The following ALPK1 variants were observed in gnomAD, a reference collection of about 807,000 sequenced individuals.
ALPK1 encodes alpha kinase 1, also known as alpha-protein kinase 1.
Under a neutral mutation model 120.6 loss-of-function variants are expected in ALPK1, and 110 were observed. The observed-to-expected ratio is 0.91, with a 90% CI of 0.78 to 1.07. The LOEUF (loss-of-function observed/expected upper bound fraction) is 1.07, where lower values mean the gene tolerates loss of function less well. ALPK1 is among the 50% of genes least tolerant of loss of function. The pLI is 0.00. For synonymous variants in ALPK1, 582 were observed against 560.3 expected, an observed-to-expected ratio of 1.04 and a Z score of -0.55; for missense variants, 1,498 against 1,483.9, an observed-to-expected ratio of 1.01 and a Z score of -0.16.
At chr4:112,359,175 TC>T in intron 2 of ALPK1, 2 of 624,918 alleles carry the variant, frequency 3.2e-6, no homozygotes, top group Non-Finnish European at 5.9e-6. Context: ...GCCCCACCTG[TC>T]CCCCAGGCCA....
At chr4:112,330,804 G>A (rs1488198300) in intron 2 of ALPK1, among the ~76,000 whole-genome samples, 1 of 152,174 alleles carries the variant, frequency 6.6e-6, no homozygotes, top group Non-Finnish European at 1.5e-5. Context: ...GAATCCTGTG[G>A]GAAATGCCCT....
In ALPK1 at chr4:112,399,036, A is replaced by G. The variant is rs147088066; in HGVS notation, c.277-12791A>G. Among the ~76,000 whole-genome samples the G allele has an allele frequency of 4.8e-3, 732 of 152,352 alleles. 7 individuals carry two copies. The highest frequency in any genetic ancestry group is 0.016 in the African/African-American group (675 of 41,574). On this transcript the variant is annotated intron_variant, in intron 4 of 15. Coordinates refer to ENST00000650871, the MANE Select transcript of ALPK1 (RefSeq NM_025144.4). ...AACATGATGAGTTTGAGATCCTGAC[A>G]TCCAACTTGGGCTATGGCGGGCAAT...
intron 2 of ALPK1, 138 bp downstream of exon 2, chr4:112,315,990 A>G (rs1728619116): frequency 6.6e-6 from 1 of 152,148 alleles, no homozygotes; most frequent in South Asian, 2.1e-4. Flanking sequence ...ATTTTATTGT[A>G]TTTCCTTCTG....
At chr4:112,343,324 T>C (rs1202302845) in intron 2 of ALPK1, 1 of 152,238 alleles carries the variant, frequency 6.6e-6, no homozygotes, top group Non-Finnish European at 1.5e-5. Flanking sequence ...GTGAAATCAG[T>C]AAATGCCATT....
intron 5 of ALPK1, among the ~76,000 whole-genome samples, chr4:112,413,532 C>G (rs376196405): frequency 7.9e-5 from 12 of 152,206 alleles, no homozygotes; most frequent in African/African-American, 1.9e-4. Context: ...GATGTTCCCC[C>G]CTCAGCCTCC....
chr4:112,430,867 G>C lies in ALPK1; in HGVS notation c.1320G>C (p.Arg440Ser). 6.2e-7 allele frequency: 1 copy of C among 1,614,118 alleles called. No individual in the cohort carries two copies. Among genetic ancestry groups the C allele is most frequent in the Non-Finnish European group, 8.5e-7 (1 of 1,179,960 alleles). The change falls in exon 11 of 16, where the codon AGG becomes AGC. Residue 440 changes from arginine to serine, a missense_variant. By Grantham distance (110) the Arg-to-Ser change is moderately radical. Coordinates refer to ENST00000650871, the MANE Select transcript of ALPK1 (RefSeq NM_025144.4). ...RSYVPESFEC[R>S]LDKLILHGQG... ...ATGTTCCCGAGAGTTTCGAGTGCAG[G>C]TTGGATAAACTTATCTTGCATGGGC... is the stretch of plus-strand genomic sequence containing the variant.
chr4:112,425,297 AGG>A, intron 6 of ALPK1: 1 of 183,828 alleles, frequency 5.4e-6, no homozygotes, highest in South Asian at 1.2e-4. Flanking sequence ...GAGGCCTTTG[AGG>A]AAAAGCACTG....
In ALPK1 at chr4:112,438,489, T is replaced by C; in HGVS notation, c.3194T>C (p.Val1065Ala). ...LHQEEILGRY[V>A]GKDYKEQKGL... ...TGGATTTTCTTTGTTCATAGGTATGTTGGGAAAGACTATAAGGAGCAGAAG... is the reference window on the plus strand; with the variant it reads ...TGGATTTTCTTTGTTCATAGGTATGCTGGGAAAGACTATAAGGAGCAGAAG... The change falls in exon 13 of 16, where the codon GTT (valine) becomes GCT (alanine). Residue 1065 changes from valine to alanine, a missense_variant. Transcript: ENST00000650871. The C allele has an allele frequency of 6.2e-7, 1 of 1,613,166 alleles. No homozygotes were observed. The highest frequency in any genetic ancestry group is 1.3e-5 in the African/African-American group (1 of 74,966).
intron 2 of ALPK1, chr4:112,358,524 C>T (rs1449346782): frequency 1.2e-5 from 8 of 677,250 alleles, no homozygotes; most frequent in East Asian, 2.6e-5. Context: ...GCTGGGGACC[C>T]GGAGGGCAGC....
At chr4:112,314,228 G>C (rs923797953) in intron 1 of ALPK1, among the ~76,000 whole-genome samples, 17 of 152,160 alleles carry the variant, frequency 1.1e-4, no homozygotes, top group African/African-American at 4.1e-4. Flanking sequence ...GGAAGTCCTC[G>C]TCTGATGAGG....
At chr4:112,341,188 A>G (rs1053916217) in intron 2 of ALPK1, among the ~76,000 whole-genome samples, 2 of 152,206 alleles carry the variant, frequency 1.3e-5, no homozygotes, top group Non-Finnish European at 2.9e-5. Flanking sequence ...ATGGTAATAC[A>G]TATTCATGAA....
chr4:112,408,544 C>T (rs755794915), intron 4 of ALPK1, among the ~76,000 whole-genome samples: 9 of 151,308 alleles, frequency 5.9e-5, no homozygotes, highest in Admixed American at 2.0e-4. Context: ...AATCTTGGCT[C>T]GCTACAACCT....
chr4:112,349,189 C>G (rs2148709864), intron 2 of ALPK1, among the ~76,000 whole-genome samples: 1 of 152,124 alleles, frequency 6.6e-6, no homozygotes, highest in East Asian at 1.9e-4. Flanking sequence ...AGATAATTAT[C>G]TAGGAGATAA....
chr4:112,425,695 A>G lies in ALPK1; in HGVS notation c.566A>G (p.Lys189Arg). 6.2e-7 allele frequency: 1 copy of G among 1,613,276 alleles called. No individual in the cohort carries two copies. The highest frequency in any genetic ancestry group is 2.2e-5 in the East Asian group (1 of 44,858). Residue 189 changes from lysine to arginine, a missense_variant, in exon 7 of 16, where the codon AAG becomes AGG. By Grantham distance (26) the Lys-to-Arg change is conservative. Transcript: ENST00000650871. The stretch of plus-strand genomic sequence containing the variant: ...TGGCTGTACAGAAATGAAAGTGACA[A>G]GGTCCTGGTGCAGTCGGTCTGTATA... ...GTWLYRNESDKVLVQSVCIQI... is the reference protein window; with the variant it reads ...GTWLYRNESDRVLVQSVCIQI...
intron 4 of ALPK1, among the ~76,000 whole-genome samples, chr4:112,394,369 A>G (rs936706510): frequency 6.6e-6 from 1 of 152,254 alleles, no homozygotes; most frequent in Non-Finnish European, 1.5e-5. Context: ...ATCAACATTT[A>G]AAACTTGAAT....
intron 13 of ALPK1, among the ~76,000 whole-genome samples, chr4:112,439,026 C>G (rs916320150): frequency 2.0e-5 from 3 of 152,198 alleles, no homozygotes; most frequent in Non-Finnish European, 4.4e-5. Context: ...GATTACAGCT[C>G]TCCCTCCTGG....
chr4:112,358,193 T>C, intron 2 of ALPK1: 2 of 617,458 alleles, frequency 3.2e-6, no homozygotes, highest in South Asian at 1.4e-5. Context: ...GATCTGGCAC[T>C]GCCAGGACAA....
chr4:112,381,080 A>G (rs1366938247), intron 3 of ALPK1, among the ~76,000 whole-genome samples: 1 of 152,244 alleles, frequency 6.6e-6, no homozygotes, highest in Non-Finnish European at 1.5e-5. Flanking sequence ...ATTTTTATTC[A>G]GGGCAATGGA....
intron 5 of ALPK1, among the ~76,000 whole-genome samples, chr4:112,413,910 G>A (rs1296584046): frequency 6.6e-6 from 1 of 152,150 alleles, no homozygotes. Context: ...CCTAATGGTT[G>A]GGATTGTCTT....
Sources: gnomAD v4.1 joint callset for allele counts (sites outside exome capture counted in the v4.1 genomes callset) on GRCh38, gnomAD v4.1.1 for gene constraint, MANE v1.5 for transcripts, NCBI Gene and HGNC (gene_info 2026-07-23, HGNC 2026-07-21) for gene names.